PTPRD: variants seen among roughly 807,000 people sequenced by gnomAD.
The protein encoded by PTPRD is protein tyrosine phosphatase receptor type D.
PTPRD carries 34 observed loss-of-function variants against 214.5 expected under a neutral mutation model. The ratio of observed to expected loss-of-function variants is 0.16; its 90% CI spans 0.12 to 0.21. The LOEUF is 0.21. Ranked by LOEUF, PTPRD falls within the 10% of genes least tolerant of loss-of-function variation. The pLI is 1.00. For synonymous variants in PTPRD, 1,128 were observed against 845.7 expected (o/e 1.33, Z -5.79); for missense variants, 2,545 against 2,398.7 (o/e 1.06, Z -1.27).
At chr9:9,646,052 G>T (rs1358034946) in intron 7 of PTPRD, among the ~76,000 whole-genome samples, 2 of 152,218 alleles carry the variant, frequency 1.3e-5, no homozygotes, top group African/African-American at 4.8e-5. Context: ...TACAATTCAT[G>T]TTTATTTGTA....
intron 5 of PTPRD, among the ~76,000 whole-genome samples, chr9:9,883,914 T>C (rs563103682): frequency 1.3e-5 from 2 of 152,296 alleles, no homozygotes; most frequent in African/African-American, 4.8e-5. Flanking sequence ...TAGTAGCTCC[T>C]GGAAAGTCAA....
intron 14 of PTPRD, among the ~76,000 whole-genome samples, chr9:8,606,872 G>GT (rs1188063276): frequency 5.3e-5 from 8 of 152,018 alleles, no homozygotes; most frequent in Admixed American, 1.3e-4. Context: ...ATCTGTCACA[G>GT]TTTTTTTTGT....
At chr9:10,160,661 A>G (rs1199391592) in intron 3 of PTPRD, among the ~76,000 whole-genome samples, 2 of 151,892 alleles carry the variant, frequency 1.3e-5, no homozygotes, top group African/African-American at 4.8e-5. Flanking sequence ...TTTTATGTCT[A>G]GAACAAAACA....
chr9:8,459,839 A>G (rs2096337217), intron 33 of PTPRD, among the ~76,000 whole-genome samples: 1 of 152,124 alleles, frequency 6.6e-6, no homozygotes, highest in African/African-American at 2.4e-5. Context: ...ACCAGTGCAG[A>G]TGTGGAATAA....
At chr9:10,568,922 G>A (rs1032935243) in intron 2 of PTPRD, among the ~76,000 whole-genome samples, 3 of 152,166 alleles carry the variant, frequency 2.0e-5, no homozygotes, top group Middle Eastern at 3.4e-3. Context: ...ATTGACAAAT[G>A]GGATCTAATT....
chr9:9,466,575 ATACT>A (rs1420245241), intron 8 of PTPRD, among the ~76,000 whole-genome samples: 1 of 152,198 alleles, frequency 6.6e-6, no homozygotes, highest in South Asian at 2.1e-4. Flanking sequence ...TCTGTGTTTC[ATACT>A]TACTTTTCAC....
intron 35 of PTPRD, among the ~76,000 whole-genome samples, chr9:8,418,140 T>C (rs1046567906): frequency 6.6e-6 from 1 of 152,182 alleles, no homozygotes; most frequent in Non-Finnish European, 1.5e-5. Context: ...GGCTCTGTTT[T>C]CCTCTGTCCA....
chr9:9,193,321 T>C (rs1482628994), intron 9 of PTPRD, among the ~76,000 whole-genome samples: 1 of 152,142 alleles, frequency 6.6e-6, no homozygotes, highest in East Asian at 1.9e-4. Context: ...CATGTGAACA[T>C]GATAATTATG....
At chr9:8,500,705 T>G (rs747213257) in intron 24 of PTPRD, 49 bp downstream of exon 24, 2 of 1,571,256 alleles carry the variant, frequency 1.3e-6, no homozygotes, top group Admixed American at 3.4e-5. Context: ...AGACAGCAGA[T>G]CAAGACTGTG....
At chr9:8,752,663 C>G (rs923521353) in intron 11 of PTPRD, among the ~76,000 whole-genome samples, 7 of 152,120 alleles carry the variant, frequency 4.6e-5, no homozygotes, top group African/African-American at 1.7e-4. Flanking sequence ...CCCAGACTAG[C>G]CTGGTGGAGG....
intron 3 of PTPRD, among the ~76,000 whole-genome samples, chr9:10,071,755 G>A (rs1381414497): frequency 6.6e-6 from 1 of 151,844 alleles, no homozygotes; most frequent in East Asian, 1.9e-4. Flanking sequence ...TAAGAATGGT[G>A]CATATGAGTA....
chr9:10,395,008 C>T (rs1225024933), intron 2 of PTPRD, among the ~76,000 whole-genome samples: 1 of 148,608 alleles, frequency 6.7e-6, no homozygotes, highest in African/African-American at 2.5e-5. Flanking sequence ...GTTCTGCTGC[C>T]TGCACTTTAT....
At chr9:10,477,747 T>C (rs920715257) in intron 2 of PTPRD, among the ~76,000 whole-genome samples, 5 of 152,086 alleles carry the variant, frequency 3.3e-5, no homozygotes, top group Non-Finnish European at 7.4e-5. Flanking sequence ...CCATCAGTGA[T>C]ACACTGGATA....
chr9:8,705,750 T>A (rs1441147037), intron 12 of PTPRD, among the ~76,000 whole-genome samples: 1 of 152,202 alleles, frequency 6.6e-6, no homozygotes, highest in Non-Finnish European at 1.5e-5. Context: ...TAATTATGTA[T>A]CACATGTTTA....
At chr9:10,012,000 C>T (rs1412187302) in intron 4 of PTPRD, among the ~76,000 whole-genome samples, 1 of 151,844 alleles carries the variant, frequency 6.6e-6, no homozygotes, top group Non-Finnish European at 1.5e-5. Context: ...AACTTTTTAT[C>T]ACATTAAATC....
At chr9:8,702,832 C>T (rs1304650485) in intron 12 of PTPRD, among the ~76,000 whole-genome samples, 2 of 152,232 alleles carry the variant, frequency 1.3e-5, no homozygotes, top group African/African-American at 2.4e-5. Flanking sequence ...CAGTCTCAAA[C>T]TCCTGATCTT....
chr9:8,932,669 T>C (rs1393868100), intron 11 of PTPRD, among the ~76,000 whole-genome samples: 4 of 152,204 alleles, frequency 2.6e-5, no homozygotes, highest in Admixed American at 6.5e-5. Context: ...TTGTTTACAC[T>C]GTGAGGGGAA....
chr9:8,552,058 G>A (rs902229855), intron 14 of PTPRD, among the ~76,000 whole-genome samples: 1 of 152,120 alleles, frequency 6.6e-6, no homozygotes. Flanking sequence ...TATTTTAAAG[G>A]AAGCTATCAA....
chr9:9,301,935 G>A lies in PTPRD; in HGVS notation c.-203+95514C>T, dbSNP rs1211059092. Among the ~76,000 whole-genome samples the A allele has an allele frequency of 8.6e-5, 13 of 151,940 alleles. No individual in the cohort carries two copies. In the East Asian group the frequency reaches 1.9e-3, roughly 23 times the overall value. Reference sequence around the variant, plus strand: ...AGAGCAGAAGCTGAGTTTAAGATACGCATTTGTTTGTTGATTTGCTATGTT... The same window carrying A: ...AGAGCAGAAGCTGAGTTTAAGATACACATTTGTTTGTTGATTTGCTATGTT... On this transcript the variant is annotated intron_variant, in intron 9 of 45. Transcript: ENST00000381196.
Sources: gnomAD v4.1 joint callset for allele counts (sites outside exome capture counted in the v4.1 genomes callset) on GRCh38, gnomAD v4.1.1 for gene constraint, MANE v1.5 for transcripts, NCBI Gene and HGNC (gene_info 2026-07-23, HGNC 2026-07-21) for gene names.